The following SGCZ variants were observed in gnomAD, a reference collection of about 807,000 sequenced individuals.
The protein encoded by SGCZ is sarcoglycan zeta.
A neutral mutation model predicts 41.3 loss-of-function variants in SGCZ; 40 were observed. That is an observed-to-expected ratio of 0.97 (90% CI 0.75 to 1.26). SGCZ has a LOEUF of 1.26. SGCZ is among the 50% of genes most tolerant of loss of function. The probability of loss-of-function intolerance (pLI) is 0.00; values close to 1 mark genes in which losing one functional copy is unlikely to be tolerated. For synonymous variants in SGCZ, 206 were observed against 137.5 expected, an observed-to-expected ratio of 1.50 and a Z score of -3.49; for missense variants, 552 against 369.8, an observed-to-expected ratio of 1.49 and a Z score of -4.04.
rs78001065 is a variant in SGCZ, at chr8:14,437,622, G to A, written c.235-113418C>T. Among the ~76,000 whole-genome samples, 5 of 151,794 alleles carry A rather than the reference G, an allele frequency of 3.3e-5. No individual in the cohort carries two copies. The East Asian group carries it at 9.7e-4, about 29-fold the overall frequency. On this transcript the variant is annotated intron_variant, in intron 2 of 7. Coordinates refer to ENST00000382080, the MANE Select transcript of SGCZ (RefSeq NM_139167.4). Reference sequence around the variant, plus strand: ...GTTTTAATTTTTAATAAATATCAAAGAGCATAAGCAAAAGTTCTTCAGAAT... The same window carrying A: ...GTTTTAATTTTTAATAAATATCAAAAAGCATAAGCAAAAGTTCTTCAGAAT...
intron 1 of SGCZ, among the ~76,000 whole-genome samples, chr8:15,104,293 T>C (rs1486534741): frequency 6.6e-6 from 1 of 152,126 alleles, no homozygotes; most frequent in Non-Finnish European, 1.5e-5. Context: ...CAGGAGACAA[T>C]TGAGGGTGGA....
intron 1 of SGCZ, among the ~76,000 whole-genome samples, chr8:15,128,557 C>G (rs572001363): frequency 6.6e-6 from 1 of 152,214 alleles, no homozygotes; most frequent in Non-Finnish European, 1.5e-5. Context: ...CTGACACCAA[C>G]TGCTATTCTG....
intron 2 of SGCZ, among the ~76,000 whole-genome samples, chr8:14,453,479 A>T (rs1306706911): frequency 6.6e-6 from 1 of 152,140 alleles, no homozygotes; most frequent in Non-Finnish European, 1.5e-5. Context: ...CATTATTTAC[A>T]AATAAGTTGG....
At chr8:14,931,455 G>C (rs1413483753) in intron 1 of SGCZ, among the ~76,000 whole-genome samples, 1 of 151,940 alleles carries the variant, frequency 6.6e-6, no homozygotes, top group East Asian at 1.9e-4. Context: ...TGTTTCTAGA[G>C]ACCCATCTGT....
In SGCZ at chr8:14,193,353, T is replaced by C. The variant is rs532155462; in HGVS notation, c.425-28651A>G. Among the ~76,000 whole-genome samples, 199 of 151,948 alleles carry C rather than the reference T, an allele frequency of 1.3e-3. 2 individuals carry two copies. The highest frequency in any genetic ancestry group is 3.4e-3 in the Middle Eastern group (1 of 294). On this transcript the variant is annotated intron_variant, in intron 4 of 7. Transcript: ENST00000382080. ...AGCATGCTATTTTTTTTACAATGTTTGACCATTGTTTTTCATGTAACAGTT... is the reference window on the plus strand; with the variant it reads ...AGCATGCTATTTTTTTTACAATGTTCGACCATTGTTTTTCATGTAACAGTT...
At chr8:14,429,162 CAGTA>C (rs1312303928) in intron 2 of SGCZ, among the ~76,000 whole-genome samples, 2 of 152,074 alleles carry the variant, frequency 1.3e-5, no homozygotes, top group Non-Finnish European at 2.9e-5. Context: ...CTGATACATA[CAGTA>C]AAACATAAAC....
chr8:14,658,990 A>T (rs1807663636), intron 1 of SGCZ, among the ~76,000 whole-genome samples: 1 of 152,164 alleles, frequency 6.6e-6, no homozygotes, highest in African/African-American at 2.4e-5. Context: ...AAGTTTTACT[A>T]ACTTAAAGTT....
In SGCZ at chr8:14,332,476, T is replaced by C. The variant is rs928519926; in HGVS notation, c.235-8272A>G. On this transcript the variant is annotated intron_variant, in intron 2 of 7. Coordinates refer to ENST00000382080, the MANE Select transcript of SGCZ (RefSeq NM_139167.4). ...AATAAAATAAAATAAAAAATAAAAA[T>C]ATGTTAATTTGACAAAATGGATAGG... 2.6e-5 allele frequency: 4 copies of C among 152,002 alleles called. No individual in the cohort carries two copies. In the East Asian group the frequency reaches 7.7e-4, roughly 29 times the overall value. 9.4% of individuals were successfully genotyped at this position (152,002 alleles called of 1,614,324 possible).
chr8:14,318,139 T>C lies in SGCZ; in HGVS notation c.336+5964A>G, dbSNP rs986019507. On this transcript the variant is annotated intron_variant, in intron 3 of 7. Coordinates refer to ENST00000382080, the MANE Select transcript of SGCZ (RefSeq NM_139167.4). ...AAATATGACTATTCCAATTATGGTA[T>C]TGGGGACTATTGGTTTTTCAAAAGA... Among the ~76,000 whole-genome samples, 8 of 151,572 alleles carry C rather than the reference T, an allele frequency of 5.3e-5. No individual in the cohort carries two copies. The East Asian group carries it at 9.7e-4, about 18-fold the overall frequency.
intron 1 of SGCZ, among the ~76,000 whole-genome samples, chr8:14,653,637 G>A (rs538454699): frequency 2.0e-4 from 31 of 152,082 alleles, no homozygotes; most frequent in African/African-American, 7.5e-4. Flanking sequence ...ATGTCTATAA[G>A]CGACCATGCT....
At chr8:15,203,303 A>G (rs1800956284) in intron 1 of SGCZ, among the ~76,000 whole-genome samples, 1 of 152,142 alleles carries the variant, frequency 6.6e-6, no homozygotes, top group Non-Finnish European at 1.5e-5. Flanking sequence ...TTTGCCTTTT[A>G]TCTCTATTTC....
chr8:15,145,986 C>G (rs1451661498), intron 1 of SGCZ, among the ~76,000 whole-genome samples: 2 of 152,060 alleles, frequency 1.3e-5, no homozygotes, highest in South Asian at 2.1e-4. Context: ...AGTAGAGGAA[C>G]AAGGGGATGA....
At chr8:14,462,497 T>C (rs1243482393) in intron 2 of SGCZ, among the ~76,000 whole-genome samples, 1 of 152,032 alleles carries the variant, frequency 6.6e-6, no homozygotes, top group Non-Finnish European at 1.5e-5. Context: ...TATAAAACTA[T>C]GCCTCATTCG....
chr8:15,043,231 A>C (rs1412598286), intron 1 of SGCZ, among the ~76,000 whole-genome samples: 1 of 152,202 alleles, frequency 6.6e-6, no homozygotes, highest in Non-Finnish European at 1.5e-5. Context: ...AATCTCTTAA[A>C]GCAGTACAAT....
chr8:14,178,691 A>G (rs1804629076), intron 4 of SGCZ, among the ~76,000 whole-genome samples: 1 of 152,264 alleles, frequency 6.6e-6, no homozygotes, highest in South Asian at 2.1e-4. Context: ...CACAGGCTAC[A>G]CAAATGGTTA....
At chr8:14,472,279 G>T (rs1801234103) in intron 2 of SGCZ, among the ~76,000 whole-genome samples, 1 of 152,000 alleles carries the variant, frequency 6.6e-6, no homozygotes. Flanking sequence ...GGTAAATAAG[G>T]TTTAATTAAA....
intron 1 of SGCZ, among the ~76,000 whole-genome samples, chr8:14,924,761 G>T (rs552456995): frequency 3.3e-5 from 5 of 150,338 alleles, no homozygotes; most frequent in Non-Finnish European, 1.5e-5. Flanking sequence ...AACACAAAAT[G>T]TTAAAAGTTT....
At chr8:14,206,882 A>C (rs1805633452) in intron 4 of SGCZ, among the ~76,000 whole-genome samples, 1 of 152,124 alleles carries the variant, frequency 6.6e-6, no homozygotes, top group South Asian at 2.1e-4. Flanking sequence ...ATTCTTATAC[A>C]CATGAGAACA....
rs201429137 is a variant in SGCZ, at chr8:14,233,877, C to A, written c.424+3715G>T. ...TGAGACTCGTTTAAGAAAGTTCTTG[C>A]TTTTTCTTCAAGGAGTCTGACCTCT... On this transcript the variant is annotated intron_variant, in intron 4 of 7. Transcript: ENST00000382080. Among the ~76,000 whole-genome samples the A allele has an allele frequency of 2.0e-5, 3 of 151,934 alleles. No homozygotes were observed. In the East Asian group the frequency reaches 5.8e-4, roughly 29 times the overall value.
Sources: allele counts gnomAD v4.1 joint callset (sites outside exome capture counted in the v4.1 genomes callset), GRCh38; gene constraint gnomAD v4.1.1; transcripts MANE v1.5; gene names NCBI Gene and HGNC (gene_info 2026-07-23, HGNC 2026-07-21).